STAMBPL1: variants seen among roughly 807,000 people sequenced by gnomAD.
STAMBPL1 encodes AMSH-like protease.
In STAMBPL1, 44 loss-of-function variants were observed where a neutral mutation model predicts 52.9. That is an observed-to-expected ratio of 0.83 (90% CI 0.65 to 1.07). STAMBPL1 has a LOEUF of 1.07. STAMBPL1 is among the 50% of genes least tolerant of loss of function. The probability of loss-of-function intolerance (pLI) is 0.00; values close to 1 mark genes in which losing one functional copy is unlikely to be tolerated. For missense variants in STAMBPL1, 511 were observed against 520.8 expected, an observed-to-expected ratio of 0.98 and a Z score of 0.18; for synonymous variants, 164 against 177.3, an observed-to-expected ratio of 0.92 and a Z score of 0.60.
Position 88,916,822 on chromosome 10 carries a change from G to T in STAMBPL1, c.1041+5G>T. On this transcript the variant is annotated splice_donor_5th_base_variant and intron_variant, in intron 8 of 10. Transcript: ENST00000371926. Reference sequence around the variant, plus strand: ...CTCACTCTAGGATGGATCCATGTACGTTTGACCTTTTGGGTTTCAGTTTTT... The same window carrying T: ...CTCACTCTAGGATGGATCCATGTACTTTTGACCTTTTGGGTTTCAGTTTTT... 1 of 1,552,152 alleles carries T rather than the reference G, an allele frequency of 6.4e-7. No homozygotes were observed. The highest frequency in any genetic ancestry group is 8.7e-7 in the Non-Finnish European group (1 of 1,148,674).
At chr10:88,912,505 A>C (rs896343495) in intron 5 of STAMBPL1, 2 of 152,114 alleles carry the variant, frequency 1.3e-5, no homozygotes, top group Non-Finnish European at 2.9e-5. Flanking sequence ...TTATCCATAA[A>C]TTTCCAGCAG....
chr10:88,895,098 C>G (rs1435826011), intron 1 of STAMBPL1, among the ~76,000 whole-genome samples: 1 of 152,188 alleles, frequency 6.6e-6, no homozygotes, highest in Non-Finnish European at 1.5e-5. Context: ...TCATTCCACC[C>G]TTGGGTTCTG....
chr10:88,914,260 T>A (rs1360779965), intron 6 of STAMBPL1, among the ~76,000 whole-genome samples: 1 of 152,188 alleles, frequency 6.6e-6, no homozygotes, highest in Non-Finnish European at 1.5e-5. Context: ...TGCCTAAAGA[T>A]AACATAACAT....
chr10:88,919,683 A>G (rs1845458638), intron 8 of STAMBPL1, among the ~76,000 whole-genome samples: 1 of 152,122 alleles, frequency 6.6e-6, no homozygotes, highest in Admixed American at 6.5e-5. Context: ...CCTACTGAAG[A>G]TTTGCATTTT....
At chr10:88,887,864 G>A (rs1275408899) in intron 1 of STAMBPL1, among the ~76,000 whole-genome samples, 2 of 152,138 alleles carry the variant, frequency 1.3e-5, no homozygotes, top group Admixed American at 1.3e-4. Flanking sequence ...TGATGCAGGT[G>A]CTCAGTAAAC....
At chr10:88,889,185 A>G (rs908634254) in intron 1 of STAMBPL1, among the ~76,000 whole-genome samples, 1 of 152,134 alleles carries the variant, frequency 6.6e-6, no homozygotes, top group Non-Finnish European at 1.5e-5. Flanking sequence ...TTTGATGGCT[A>G]TTTATTTTAA....
intron 1 of STAMBPL1, 61 bp from the exon 2 acceptor site, chr10:88,901,595 T>C: frequency 9.8e-7 from 1 of 1,018,910 alleles, no homozygotes; most frequent in South Asian, 1.5e-5. Context: ...CCCTGGGGTT[T>C]GGGATTTCAA....
At position 88,895,114 on chromosome 10, in the gene STAMBPL1, C is replaced by A. The variant is rs182139414; in HGVS notation, c.-53-6542C>A. Among the ~76,000 whole-genome samples the A allele has an allele frequency of 2.8e-4, 43 of 152,326 alleles. No homozygotes were observed. In the East Asian group the frequency reaches 6.7e-3, roughly 24 times the overall value. ...CATTCCACCCTTGGGTTCTGCCATCCTCCAGACACTGGCTGTCCTTGGACT... is the reference window on the plus strand; with the variant it reads ...CATTCCACCCTTGGGTTCTGCCATCATCCAGACACTGGCTGTCCTTGGACT... On this transcript the variant is annotated intron_variant, in intron 1 of 10. Transcript: ENST00000371926.
At chr10:88,907,214 T>C (rs531884942) in intron 3 of STAMBPL1, among the ~76,000 whole-genome samples, 12 of 152,312 alleles carry the variant, frequency 7.9e-5, no homozygotes, top group African/African-American at 2.9e-4. Flanking sequence ...AGTTGAAAGA[T>C]ACAATATTTT....
intron 1 of STAMBPL1, among the ~76,000 whole-genome samples, chr10:88,889,847 T>C (rs892881573): frequency 5.3e-5 from 8 of 152,250 alleles, no homozygotes; most frequent in Admixed American, 3.3e-4. Flanking sequence ...TCTGGGATCA[T>C]ACATTGAATT....
At chr10:88,894,987 G>A (rs575881808) in intron 1 of STAMBPL1, among the ~76,000 whole-genome samples, 1 of 152,266 alleles carries the variant, frequency 6.6e-6, no homozygotes, top group East Asian at 1.9e-4. Context: ...TCCTAAGAGT[G>A]CCTTTTGTAA....
intron 8 of STAMBPL1, 31 bp downstream of exon 8, chr10:88,916,848 T>TTG: frequency 6.7e-7 from 1 of 1,500,404 alleles, no homozygotes; most frequent in South Asian, 1.4e-5. Flanking sequence ...TTCAGTTTTT[T>TTG]TGTGTGTGTG....
intron 1 of STAMBPL1, chr10:88,882,442 T>G (rs1386555295): frequency 6.6e-6 from 1 of 152,252 alleles, no homozygotes; most frequent in Non-Finnish European, 1.5e-5. Context: ...TAACACCGTT[T>G]GATCATTTCC....
chr10:88,900,148 G>A (rs1844910480), intron 1 of STAMBPL1, among the ~76,000 whole-genome samples: 1 of 152,200 alleles, frequency 6.6e-6, no homozygotes, highest in Admixed American at 6.5e-5. Context: ...GAATACAAGA[G>A]TAATTTTTCT....
At chr10:88,891,864 A>G (rs1386952279) in intron 1 of STAMBPL1, among the ~76,000 whole-genome samples, 1 of 152,232 alleles carries the variant, frequency 6.6e-6, no homozygotes, top group African/African-American at 2.4e-5. Flanking sequence ...GAATAAATGA[A>G]TGAATAAATA....
intron 1 of STAMBPL1, among the ~76,000 whole-genome samples, chr10:88,890,909 C>T (rs1001499536): frequency 5.3e-5 from 8 of 152,186 alleles, no homozygotes; most frequent in African/African-American, 1.9e-4. Context: ...CTACCAATTC[C>T]TCTATTCTCT....
In STAMBPL1 at chr10:88,914,671, TATATAA is replaced by T; in HGVS notation, c.903+19_903+24del. 9.8e-7 allele frequency: 1 copy of T among 1,015,738 alleles called. No homozygotes were observed. Among genetic ancestry groups the T allele is most frequent in the Non-Finnish European group, 1.3e-6 (1 of 780,156 alleles). The allele number at this position is 1,015,738 out of a possible 1,614,324, so 62.9% of individuals were successfully genotyped here. A position where few individuals can be genotyped will look rare whatever the true frequency, so the allele number is the denominator to read the frequency against. On this transcript the variant is annotated intron_variant, in intron 7 of 10. Transcript: ENST00000371926. Reference sequence around the variant, plus strand: ...CTGTGGAAAACTGGTATGATCTTTTTATATAAATATATATATATATATATCTGCATA... The same window carrying T: ...CTGTGGAAAACTGGTATGATCTTTTTATATATATATATATATATCTGCATA...
At chr10:88,915,899 G>A (rs1052338541) in intron 7 of STAMBPL1, among the ~76,000 whole-genome samples, 1 of 152,098 alleles carries the variant, frequency 6.6e-6, no homozygotes, top group Admixed American at 6.6e-5. Flanking sequence ...CAGGGCAAAG[G>A]AGCAGTGCAT....
intron 4 of STAMBPL1, among the ~76,000 whole-genome samples, chr10:88,910,067 G>T (rs1011398824): frequency 6.6e-6 from 1 of 152,056 alleles, no homozygotes; most frequent in Non-Finnish European, 1.5e-5. Flanking sequence ...TTAGGGTTAT[G>T]CTTATTTTTT....
Sources: gnomAD v4.1 joint callset for allele counts (sites outside exome capture counted in the v4.1 genomes callset) on GRCh38, gnomAD v4.1.1 for gene constraint, MANE v1.5 for transcripts, NCBI Gene and HGNC (gene_info 2026-07-23, HGNC 2026-07-21) for gene names.